The following SLC9A9 variants were observed in gnomAD, a reference collection of about 807,000 sequenced individuals.
The protein encoded by SLC9A9 is solute carrier family 9 member A9, also known as sodium/hydrogen exchanger 9.
In SLC9A9, 62 loss-of-function variants were observed where a neutral mutation model predicts 77.8. That is an observed-to-expected ratio of 0.80 (90% CI 0.65 to 0.98). The LOEUF (loss-of-function observed/expected upper bound fraction) is 0.98, where lower values mean the gene tolerates loss of function less well. Ranked by LOEUF, SLC9A9 falls within the 50% of genes least tolerant of loss-of-function variation. The probability of loss-of-function intolerance (pLI) is 0.00; values close to 1 mark genes in which losing one functional copy is unlikely to be tolerated. For synonymous variants in SLC9A9, 320 were observed against 283.5 expected (o/e 1.13, Z -1.29); for missense variants, 775 against 774.9 (o/e 1.00, Z 0.00).
intron 6 of SLC9A9, among the ~76,000 whole-genome samples, chr3:143,618,747 G>A (rs1452742603): frequency 1.3e-5 from 2 of 152,158 alleles, no homozygotes; most frequent in Non-Finnish European, 2.9e-5. Context: ...ACAGTAAGAA[G>A]TATCACCTTA....
intron 12 of SLC9A9, among the ~76,000 whole-genome samples, chr3:143,389,507 C>G (rs891402787): frequency 1.3e-5 from 2 of 152,098 alleles, no homozygotes; most frequent in African/African-American, 4.8e-5. Context: ...CTACCATTAG[C>G]CATATTAAAG....
At chr3:143,796,382 A>T (rs908382113) in intron 3 of SLC9A9, among the ~76,000 whole-genome samples, 7 of 152,246 alleles carry the variant, frequency 4.6e-5, no homozygotes, top group Non-Finnish European at 7.3e-5. Flanking sequence ...TATTTAAAAA[A>T]TTTTAAATTT....
rs2036704994 is a variant in SLC9A9, at chr3:143,542,434, G to T, written c.1089+9928C>A. ...AAGCCAGGGAGGCAGAGGCATTGTT[G>T]CCCATGACATTCTCTCTCCACTGTG... is the stretch of plus-strand genomic sequence containing the variant. On this transcript the variant is annotated intron_variant, in intron 9 of 15. Transcript: ENST00000316549. Among the ~76,000 whole-genome samples, 4 of 152,140 alleles carry T rather than the reference G, an allele frequency of 2.6e-5. 1 individual carries two copies. The highest frequency in any genetic ancestry group is 2.0e-4 in the Admixed American group (3 of 15,270).
In SLC9A9 at chr3:143,382,102, G is replaced by A. The variant is rs763435166; in HGVS notation, c.1482C>T (p.Asp494=). The A allele has an allele frequency of 4.5e-5, 72 of 1,613,894 alleles. No homozygotes were observed. Among genetic ancestry groups the A allele is most frequent in the Non-Finnish European group, 6.1e-5 (72 of 1,179,976 alleles). The part of the protein sequence containing the change: ...LTWLQIRVGV[D]LDENLKEDPS... ...GGTCCTCCTTCAGATTTTCATCCAG[G>A]TCCACGCCAACTCTGTTAAACAAAA... Residue 494 remains aspartate, a synonymous_variant, in exon 13 of 16, where the codon GAC becomes GAT. Transcript: ENST00000316549.
At chr3:143,504,859 T>A (rs1035472659) in intron 9 of SLC9A9, among the ~76,000 whole-genome samples, 4 of 152,162 alleles carry the variant, frequency 2.6e-5, no homozygotes, top group African/African-American at 9.7e-5. Flanking sequence ...AAGAGGTCAG[T>A]TGTCCTGAGT....
chr3:143,668,906 C>T (rs1447737), intron 5 of SLC9A9, among the ~76,000 whole-genome samples: 147,499 of 152,272 alleles, frequency 0.97, 71,471 homozygotes, highest in East Asian at 1. Context: ...AGCACCCAGA[C>T]AAAAGGTCAA....
At chr3:143,350,845 C>T (rs1250613607) in intron 14 of SLC9A9, among the ~76,000 whole-genome samples, 3 of 152,176 alleles carry the variant, frequency 2.0e-5, no homozygotes, top group African/African-American at 7.2e-5. Flanking sequence ...TTCTCTCTCC[C>T]CGTAATCTGG....
intron 4 of SLC9A9, among the ~76,000 whole-genome samples, chr3:143,717,222 T>C (rs929178090): frequency 1.3e-5 from 2 of 152,178 alleles, no homozygotes; most frequent in Non-Finnish European, 2.9e-5. Context: ...GTAGATCTGT[T>C]GGGGAGGCAG....
intron 14 of SLC9A9, among the ~76,000 whole-genome samples, chr3:143,317,951 T>A (rs185107268): frequency 3.9e-5 from 6 of 152,102 alleles, no homozygotes; most frequent in African/African-American, 1.4e-4. Context: ...ATGGTCTCGA[T>A]CTCCTGACCT....
intron 12 of SLC9A9, among the ~76,000 whole-genome samples, chr3:143,404,770 A>C (rs555992195): frequency 6.6e-6 from 1 of 152,128 alleles, no homozygotes; most frequent in Non-Finnish European, 1.5e-5. Flanking sequence ...TGGTTTTGTT[A>C]ATTTATTTAA....
intron 9 of SLC9A9, among the ~76,000 whole-genome samples, chr3:143,548,935 CA>C (rs1292946218): frequency 6.6e-6 from 1 of 152,128 alleles, no homozygotes; most frequent in Admixed American, 6.5e-5. Context: ...TTTTATAACT[CA>C]AAGGTGATTT....
At chr3:143,279,328 A>G (rs74527708) in intron 14 of SLC9A9, among the ~76,000 whole-genome samples, 1 of 152,194 alleles carries the variant, frequency 6.6e-6, no homozygotes, top group Non-Finnish European at 1.5e-5. Context: ...AACTTACACA[A>G]TTAGGGTCCT....
chr3:143,488,458 C>T (rs1576530758), intron 11 of SLC9A9, among the ~76,000 whole-genome samples: 1 of 151,954 alleles, frequency 6.6e-6, no homozygotes, highest in Non-Finnish European at 1.5e-5. Context: ...AAGAAAACCA[C>T]AGACTGCTAT....
chr3:143,347,924 A>G (rs1227916319), intron 14 of SLC9A9, among the ~76,000 whole-genome samples: 1 of 152,204 alleles, frequency 6.6e-6, no homozygotes, highest in East Asian at 1.9e-4. Context: ...GAGTTCTGGC[A>G]TATCATAAGT....
chr3:143,568,273 C>A (rs1408901960), intron 8 of SLC9A9, among the ~76,000 whole-genome samples: 1 of 152,030 alleles, frequency 6.6e-6, no homozygotes, highest in Non-Finnish European at 1.5e-5. Context: ...GTTGTCCTAC[C>A]TTCAGATGTC....
intron 14 of SLC9A9, among the ~76,000 whole-genome samples, chr3:143,310,794 A>T (rs567487634): frequency 6.6e-6 from 1 of 152,326 alleles, no homozygotes; most frequent in African/African-American, 2.4e-5. Context: ...TGCTCATGAG[A>T]TTATATTAAC....
intron 13 of SLC9A9, among the ~76,000 whole-genome samples, chr3:143,378,783 A>G (rs778377221): frequency 5.9e-5 from 9 of 152,196 alleles, no homozygotes; most frequent in Non-Finnish European, 8.8e-5. Context: ...CCAGTTCTCA[A>G]ATTAGCACGT....
intron 4 of SLC9A9, among the ~76,000 whole-genome samples, chr3:143,706,319 T>C (rs1045265173): frequency 3.3e-5 from 5 of 152,158 alleles, no homozygotes; most frequent in African/African-American, 1.2e-4. Flanking sequence ...GTAGCTCTAC[T>C]TGTGGATTTG....
chr3:143,514,515 G>T (rs1414914963), intron 9 of SLC9A9, among the ~76,000 whole-genome samples: 2 of 152,172 alleles, frequency 1.3e-5, no homozygotes, highest in Non-Finnish European at 2.9e-5. Flanking sequence ...TTCAATAGAG[G>T]CTGTTTTATT....
Sources: allele counts gnomAD v4.1 joint callset (sites outside exome capture counted in the v4.1 genomes callset), GRCh38; gene constraint gnomAD v4.1.1; transcripts MANE v1.5; gene names NCBI Gene and HGNC (gene_info 2026-07-23, HGNC 2026-07-21).